RBKS: variants seen among roughly 807,000 people sequenced by gnomAD.
The protein encoded by RBKS is ribokinase.
RBKS carries 33 observed loss-of-function variants against 33.9 expected under a neutral mutation model. The observed-to-expected ratio is 0.97, with a 90% CI of 0.74 to 1.30. RBKS has a LOEUF of 1.30. RBKS is among the 50% of genes most tolerant of loss of function. The pLI is 0.00. For synonymous variants in RBKS, 125 were observed against 143.0 expected, an observed-to-expected ratio of 0.87 and a Z score of 0.90; for missense variants, 361 against 392.6, an observed-to-expected ratio of 0.92 and a Z score of 0.68.
At chr2:27,863,008 A>AAAC (rs1664019662) in intron 1 of RBKS, among the ~76,000 whole-genome samples, 1 of 152,094 alleles carries the variant, frequency 6.6e-6, no homozygotes, top group Non-Finnish European at 1.5e-5. Flanking sequence ...TAATTAAAAA[A>AAAC]AAAAAGAGGT....
chr2:27,870,830 C>T, intron 1 of RBKS: 1 of 464,922 alleles, frequency 2.2e-6, no homozygotes, highest in Middle Eastern at 3.2e-4. Context: ...TTGAACAGTT[C>T]TGCAGCTGTG....
intron 1 of RBKS, among the ~76,000 whole-genome samples, chr2:27,868,613 A>C (rs1573074246): frequency 6.6e-6 from 1 of 152,224 alleles, no homozygotes; most frequent in African/African-American, 2.4e-5. Context: ...TACTAAAAAC[A>C]ACCTATATTT....
intron 1 of RBKS, among the ~76,000 whole-genome samples, chr2:27,877,831 C>T (rs921791628): frequency 2.0e-5 from 3 of 152,086 alleles, no homozygotes; most frequent in Admixed American, 6.5e-5. Context: ...TGTCCTAGTT[C>T]GCACCATCAT....
intron 7 of RBKS, 139 bp from the exon 8 acceptor site, chr2:27,781,927 C>T (rs932830965): frequency 2.8e-5 from 18 of 635,076 alleles, no homozygotes; most frequent in Non-Finnish European, 4.1e-5. Context: ...AGAGTTTCCA[C>T]GTACTCAGAC....
At chr2:27,889,255 AT>A (rs898142333) in intron 1 of RBKS, among the ~76,000 whole-genome samples, 7 of 152,182 alleles carry the variant, frequency 4.6e-5, no homozygotes, top group African/African-American at 1.7e-4. Flanking sequence ...TGGTGCAGCA[AT>A]TTGGTGACTT....
chr2:27,858,746 A>G (rs1663912894), intron 1 of RBKS, among the ~76,000 whole-genome samples, 175 bp from the exon 2 acceptor site: 1 of 152,226 alleles, frequency 6.6e-6, no homozygotes, highest in Non-Finnish European at 1.5e-5. Context: ...AGTAGTTTGC[A>G]TCATTATCAA....
At chr2:27,829,323 C>T (rs1453085634) in intron 6 of RBKS, among the ~76,000 whole-genome samples, 3 of 150,716 alleles carry the variant, frequency 2.0e-5, no homozygotes, top group Non-Finnish European at 4.4e-5. Context: ...GGAAAGCTGT[C>T]ACACATCAGT....
chr2:27,805,100 A>G (rs963895678), intron 7 of RBKS, among the ~76,000 whole-genome samples: 1 of 152,140 alleles, frequency 6.6e-6, no homozygotes, highest in African/African-American at 2.4e-5. Context: ...ACACAGATAC[A>G]TTCAGGGGTG....
At chr2:27,881,063 C>CA (rs1481374502) in intron 1 of RBKS, among the ~76,000 whole-genome samples, 2,046 of 147,898 alleles carry the variant, frequency 0.014, 34 homozygotes, top group African/African-American at 0.045. Context: ...ACCAACCAAC[C>CA]AACAAACAAA....
At chr2:27,814,575 A>G (rs2148195674) in intron 7 of RBKS, among the ~76,000 whole-genome samples, 1 of 152,344 alleles carries the variant, frequency 6.6e-6, no homozygotes, top group East Asian at 1.9e-4. Flanking sequence ...CTACATATTA[A>G]AACTAAAAGT....
intron 1 of RBKS, among the ~76,000 whole-genome samples, chr2:27,871,763 G>C (rs1340476024): frequency 6.6e-6 from 1 of 152,204 alleles, no homozygotes; most frequent in Non-Finnish European, 1.5e-5. Flanking sequence ...CCTGCCACCA[G>C]ATACAGCTTA....
intron 7 of RBKS, chr2:27,782,755 T>G: frequency 3.1e-6 from 1 of 327,754 alleles, no homozygotes; most frequent in East Asian, 7.8e-5. Context: ...CATGTTGTAC[T>G]CTTTGTTTCT....
At chr2:27,830,099 C>G (rs985256075) in intron 6 of RBKS, among the ~76,000 whole-genome samples, 21 of 152,218 alleles carry the variant, frequency 1.4e-4, no homozygotes, top group Admixed American at 1.2e-3. Flanking sequence ...TGAGGCTGTT[C>G]CATTTCTGAT....
At chr2:27,828,452 T>C (rs1678359685) in intron 6 of RBKS, among the ~76,000 whole-genome samples, 1 of 152,222 alleles carries the variant, frequency 6.6e-6, no homozygotes, top group Admixed American at 6.5e-5. Flanking sequence ...TCTTCTCAAA[T>C]TTCCAGTTTT....
intron 1 of RBKS, chr2:27,869,797 C>A (rs1573074850): frequency 6.4e-6 from 1 of 156,096 alleles, no homozygotes; most frequent in East Asian, 1.9e-4. Flanking sequence ...TATGTCCAGT[C>A]TACTCCATAA....
intron 1 of RBKS, among the ~76,000 whole-genome samples, chr2:27,862,393 C>A (rs191809866): frequency 6.6e-6 from 1 of 152,266 alleles, no homozygotes; most frequent in Admixed American, 6.5e-5. Flanking sequence ...TATTCTTATG[C>A]ACATAAATAC....
intron 7 of RBKS, among the ~76,000 whole-genome samples, chr2:27,785,588 C>A (rs1677382107): frequency 6.6e-6 from 1 of 151,864 alleles, no homozygotes; most frequent in African/African-American, 2.4e-5. Flanking sequence ...GATGGTGAAA[C>A]CCTGTCTCTA....
In RBKS at chr2:27,781,765, T is replaced by C. The variant is rs776899871; in HGVS notation, c.819A>G (p.Gly273=). ...AGTAAGCCAGGTAGAAGGCCAGAGC[T>C]CCCACAAAGCTGTCACCAGCACCCT... ...DTTGAGDSFV[G]ALAFYLAYYP... is the part of the protein sequence containing the mutation. Residue 273 remains glycine (G), a synonymous_variant, in exon 8 of 8, where the codon GGA becomes GGG. Coordinates refer to ENST00000302188, the MANE Select transcript of RBKS (RefSeq NM_022128.3). The C allele has an allele frequency of 1.9e-6, 3 of 1,613,414 alleles. No homozygotes were observed. Among genetic ancestry groups the C allele is most frequent in the Non-Finnish European group, 2.5e-6 (3 of 1,179,672 alleles).
intron 1 of RBKS, among the ~76,000 whole-genome samples, chr2:27,864,673 G>A (rs1167878301): frequency 6.6e-6 from 1 of 150,612 alleles, no homozygotes; most frequent in Non-Finnish European, 1.5e-5. Context: ...TTCATTCTGA[G>A]AAAAAAAAAA....
Sources: gnomAD v4.1 joint callset for allele counts (sites outside exome capture counted in the v4.1 genomes callset) on GRCh38, gnomAD v4.1.1 for gene constraint, MANE v1.5 for transcripts, NCBI Gene and HGNC (gene_info 2026-07-23, HGNC 2026-07-21) for gene names.